RNF40: variants seen among roughly 807,000 people sequenced by gnomAD.
RNF40 encodes the protein E3 ubiquitin-protein ligase BRE1B.
Under a neutral mutation model 123.3 loss-of-function variants are expected in RNF40, and 39 were observed. The observed-to-expected ratio is 0.32, with a 90% CI of 0.24 to 0.41. RNF40 has a LOEUF of 0.41. Ranked by LOEUF, RNF40 falls within the 10% of genes least tolerant of loss-of-function variation. RNF40 has a pLI of 1.00. For synonymous variants in RNF40, 538 were observed against 526.0 expected, an observed-to-expected ratio of 1.02 and a Z score of -0.31; for missense variants, 1,003 against 1,319.9, an observed-to-expected ratio of 0.76 and a Z score of 3.72.
rs1277710222 is a variant in RNF40 at position 30,763,697 on chromosome 16, T to A, written c.442+138T>A. ...TGGATTTCATGTTTGGGCAGTAAAGTGCAGTGCACAAAAACACAGGCTTTA... is the reference window on the plus strand; with the variant it reads ...TGGATTTCATGTTTGGGCAGTAAAGAGCAGTGCACAAAAACACAGGCTTTA... On this transcript the variant is annotated intron_variant, in intron 4 of 19. Coordinates refer to ENST00000324685, the MANE Select transcript of RNF40 (RefSeq NM_014771.4). 3.3e-6 allele frequency: 3 copies of A among 899,544 alleles called. No individual in the cohort carries two copies. The African/African-American group carries it at 5.1e-5, about 15-fold the overall frequency. The allele number at this position is 899,544 out of a possible 1,614,324, so 55.7% of individuals were successfully genotyped here.
Position 30,762,505 on chromosome 16 carries a change from C to T in RNF40, c.-41C>T, listed in dbSNP as rs756340458. 1.3e-6 allele frequency: 2 copies of T among 1,544,096 alleles called. No individual in the cohort carries two copies. The highest frequency in any genetic ancestry group is 4.3e-5 in the Admixed American group (2 of 46,042). ...GGAAGTACCGCCTCCTCCCGTTTGACGCCCCTCAGGGGACCCTGCATCGCT... is the reference window on the plus strand; with the variant it reads ...GGAAGTACCGCCTCCTCCCGTTTGATGCCCCTCAGGGGACCCTGCATCGCT... On this transcript the variant is annotated 5_prime_UTR_variant, in exon 2 of 20. In the 5' UTR this introduces an upstream ATG that the reference lacks. Transcript: ENST00000324685.
In RNF40 at chr16:30,775,038, G is replaced by C. The variant is rs1596768166; in HGVS notation, c.*924G>C. The C allele has an allele frequency of 2.2e-6, 1 of 456,384 alleles. No homozygotes were observed. Among genetic ancestry groups the C allele is most frequent in the Non-Finnish European group, 4.4e-6 (1 of 226,798 alleles). The allele number at this position is 456,384 out of a possible 1,614,324, so 28.3% of individuals were successfully genotyped here. ...GACTGAGCCTGTGTCCTGTCTGCCT[G>C]CCCAGCCATGCTCCATCGGCTGTGA... On this transcript the variant is annotated 3_prime_UTR_variant, in exon 20 of 20. Transcript: ENST00000324685.
upstream of RNF40, chr16:30,761,823 G>A (rs575524680): frequency 2.2e-6 from 3 of 1,379,378 alleles, no homozygotes; most frequent in African/African-American, 4.3e-5. Context: ...CGCTCGGTCG[G>A]CGGCTACCAA....
At position 30,768,955 on chromosome 16, in the gene RNF40, C is replaced by T. The variant is rs1373710483; in HGVS notation, c.2215C>T (p.His739Tyr). ...RIRQAEEQIE[H>Y]LQRKLGATKQ... is the part of the protein sequence containing the mutation. Reference sequence around the variant, plus strand: ...TCGGCAGGCAGAGGAGCAGATAGAACACCTGCAGCGCAAGCTGGGTGCCAC... The same window carrying T: ...TCGGCAGGCAGAGGAGCAGATAGAATACCTGCAGCGCAAGCTGGGTGCCAC... Residue 739 changes from histidine (H) to tyrosine (Y), a missense_variant, in exon 15 of 20, where the codon CAC becomes TAC. Around this residue, in one of 11 missense-constraint regions of RNF40, gnomAD observed 295 missense variants for 331.7 expected, o/e 0.89. Transcript: ENST00000324685. The surrounding 1 kb of genome is among the most constrained non-coding windows in gnomAD (Gnocchi z 4.1). The T allele has an allele frequency of 1.2e-6, 2 of 1,613,946 alleles. No homozygotes were observed. The highest frequency in any genetic ancestry group is 1.7e-6 in the Non-Finnish European group (2 of 1,180,030).
chr16:30,775,143 T>C lies in RNF40; in HGVS notation c.*1029T>C, dbSNP rs371727012. ...ACAGCCTCTGTTCTAGAGATGCTTG[T>C]ATAGGCTGTTAATTGTGATGAATAA... On this transcript the variant is annotated 3_prime_UTR_variant, in exon 20 of 20. Transcript: ENST00000324685. 1.6e-4 allele frequency: 63 copies of C among 401,648 alleles called. No homozygotes were observed. In the East Asian group the frequency reaches 4.4e-3, roughly 28 times the overall value. The allele number at this position is 401,648 out of a possible 1,614,324, so 24.9% of individuals were successfully genotyped here.
chr16:30,774,772 T>C lies in RNF40; in HGVS notation c.*658T>C. ...TCATCTTGCAGGTGCTGAACCAACA[T>C]CATCAGTTTCTATTCTAATCAGGCC... On this transcript the variant is annotated 3_prime_UTR_variant, in exon 20 of 20. Coordinates refer to ENST00000324685, the MANE Select transcript of RNF40 (RefSeq NM_014771.4). The C allele has an allele frequency of 2.9e-6, 1 of 348,940 alleles. No homozygotes were observed. Among genetic ancestry groups the C allele is most frequent in the Non-Finnish European group, 5.7e-6 (1 of 175,600 alleles). 21.6% of individuals were successfully genotyped at this position (348,940 alleles called of 1,614,324 possible). A position where few individuals can be genotyped will look rare whatever the true frequency, so the allele number is the denominator to read the frequency against.
At position 30,763,415 on chromosome 16, in the gene RNF40, C is replaced by T. The variant is rs928988461; in HGVS notation, c.301-3C>T. 5.0e-6 allele frequency: 8 copies of T among 1,601,762 alleles called. No individual in the cohort carries two copies. The highest frequency in any genetic ancestry group is 4.0e-5 in the African/African-American group (3 of 74,308). ...TAACATTTTTGATGTTTTCTCCTTC[C>T]AGCTGGATGAAACTGTGGAAGCCCT... On this transcript the variant is annotated splice_polypyrimidine_tract_variant and splice_region_variant and intron_variant, in intron 3 of 19. Transcript: ENST00000324685.
chr16:30,768,595 C>G lies in RNF40; in HGVS notation c.1980-24C>G, dbSNP rs1376191373. The G allele has an allele frequency of 6.2e-7, 1 of 1,613,986 alleles. No homozygotes were observed. The highest frequency in any genetic ancestry group is 1.7e-5 in the Admixed American group (1 of 60,012). ...TGGCCTCCAGTCCCACTCACTAAGA[C>G]TTCCTCCTGTACCTTCTTGCCAGGA... On this transcript the variant is annotated intron_variant, in intron 13 of 19. Coordinates refer to ENST00000324685, the MANE Select transcript of RNF40 (RefSeq NM_014771.4). The surrounding 1 kb of genome is among the most constrained non-coding windows in gnomAD (Gnocchi z 4.1).
Position 30,774,344 on chromosome 16 carries a change from T to C in RNF40, c.*230T>C. On this transcript the variant is annotated 3_prime_UTR_variant, in exon 20 of 20. Coordinates refer to ENST00000324685, the MANE Select transcript of RNF40 (RefSeq NM_014771.4). ...AGCTGCAGCCTAGGGGGCACTGCCC[T>C]ACAGAAAAGGTCTGCCTGAGAGGCC... The C allele has an allele frequency of 2.0e-6, 1 of 509,104 alleles. No individual in the cohort carries two copies. Among genetic ancestry groups the C allele is most frequent in the Non-Finnish European group, 3.5e-6 (1 of 288,204 alleles). The allele number at this position is 509,104 out of a possible 1,614,324, so 31.5% of individuals were successfully genotyped here.
At chr16:30,763,778 A>C (rs1207003956) in intron 4 of RNF40, among the ~76,000 whole-genome samples, 1 of 152,240 alleles carries the variant, frequency 6.6e-6, no homozygotes, top group African/African-American at 2.4e-5. Context: ...CATTTGTTTC[A>C]AAACAGTATT....
At chr16:30,771,794 G>C in intron 17 of RNF40, 39 bp from the exon 18 acceptor site, 2 of 1,525,154 alleles carry the variant, frequency 1.3e-6, no homozygotes, top group Non-Finnish European at 1.8e-6. Flanking sequence ...GAGTCACCAG[G>C]CTCAGACCAG....
rs2054082210 is a variant in RNF40 at position 30,768,534 on chromosome 16, A to T, written c.1979+4A>T. On this transcript the variant is annotated splice_donor_region_variant and intron_variant, in intron 13 of 19. Coordinates refer to ENST00000324685, the MANE Select transcript of RNF40 (RefSeq NM_014771.4). This position sits in a 1 kb window ranked among gnomAD's most constrained non-coding sequence, Gnocchi z 4.1. ...AGGGTCTCCGAGCAGAGCTCAAGTGAGGCTCTGTTCCTGTCTCCTTCCTGA... is the reference window on the plus strand; with the variant it reads ...AGGGTCTCCGAGCAGAGCTCAAGTGTGGCTCTGTTCCTGTCTCCTTCCTGA... 1 of 1,611,976 alleles carries T rather than the reference A, an allele frequency of 6.2e-7. No homozygotes were observed.
chr16:30,763,438 C>T lies in RNF40; in HGVS notation c.321C>T (p.Ala107=), dbSNP rs369988056. 3 of 1,608,262 alleles carry T rather than the reference C, an allele frequency of 1.9e-6. No individual in the cohort carries two copies. The highest frequency in any genetic ancestry group is 2.2e-5 in the East Asian group (1 of 44,844). Residue 107 remains alanine, a synonymous_variant, in exon 4 of 20, where the codon GCC becomes GCT. Coordinates refer to ENST00000324685, the MANE Select transcript of RNF40 (RefSeq NM_014771.4). ...YWAQLDETVE[A]LLRCHESQGE... ...TCCAGCTGGATGAAACTGTGGAAGC[C>T]CTTCTCCGATGCCATGAGAGCCAGG...
chr16:30,763,890 C>T (rs1043174727), intron 4 of RNF40, among the ~76,000 whole-genome samples: 7 of 152,116 alleles, frequency 4.6e-5, no homozygotes, highest in East Asian at 1.9e-4. Context: ...AGTACTGGGG[C>T]TCCTGAAACG....
rs2054035221 is a variant in RNF40 at position 30,766,539 on chromosome 16, G to A, written c.1274G>A (p.Arg425Gln). The change falls in exon 10 of 20, where the codon CGA becomes CAA. Residue 425 changes from arginine (R) to glutamine (Q), a missense_variant. Arg to Gln is a conservative substitution (Grantham distance 43). Around this residue, in one of 11 missense-constraint regions of RNF40, gnomAD observed 274 missense variants for 356.9 expected, o/e 0.77. Coordinates refer to ENST00000324685, the MANE Select transcript of RNF40 (RefSeq NM_014771.4). This position sits in a 1 kb window ranked among gnomAD's most constrained non-coding sequence, Gnocchi z 5.4. ...LLLATKNSHL[R>Q]HIEHMESDEL... The stretch of plus-strand genomic sequence containing the variant: ...CTGGCCACAAAGAACTCCCACCTGC[G>A]ACACATCGAGCACATGGAGGTATGG... 2 of 1,611,166 alleles carry A rather than the reference G, an allele frequency of 1.2e-6. No individual in the cohort carries two copies. Among genetic ancestry groups the A allele is most frequent in the Admixed American group, 1.7e-5 (1 of 59,838 alleles).
In RNF40 at chr16:30,766,956, T is replaced by C. The variant is rs1228568142; in HGVS notation, c.1429+80T>C. 1 of 1,537,876 alleles carries C rather than the reference T, an allele frequency of 6.5e-7. No homozygotes were observed. Among genetic ancestry groups the C allele is most frequent in the Non-Finnish European group, 8.8e-7 (1 of 1,138,216 alleles). On this transcript the variant is annotated intron_variant, in intron 11 of 19. Transcript: ENST00000324685. This position sits in a 1 kb window ranked among gnomAD's most constrained non-coding sequence, Gnocchi z 5.4. ...GGTGTGGGGCTGCTGCTTATCCAGA[T>C]GCAAGAGGCTAAGGCCTTTTTTTTC...
Position 30,766,929 on chromosome 16 carries a change from C to G in RNF40, c.1429+53C>G. 1 of 1,594,392 alleles carries G rather than the reference C, an allele frequency of 6.3e-7. No individual in the cohort carries two copies. Among genetic ancestry groups the G allele is most frequent in the South Asian group, 1.1e-5 (1 of 89,028 alleles). On this transcript the variant is annotated intron_variant, in intron 11 of 19. Coordinates refer to ENST00000324685, the MANE Select transcript of RNF40 (RefSeq NM_014771.4). This position sits in a 1 kb window ranked among gnomAD's most constrained non-coding sequence, Gnocchi z 5.4. ...GGGCCTTATCTGGGAGTGCTGGGCC[C>G]TGGTGTGGGGCTGCTGCTTATCCAG... is the stretch of plus-strand genomic sequence containing the variant.
Position 30,763,568 on chromosome 16 carries a change from A to T in RNF40, c.442+9A>T, listed in dbSNP as rs1422631202. The T allele has an allele frequency of 1.2e-6, 2 of 1,613,776 alleles. No individual in the cohort carries two copies. Among genetic ancestry groups the T allele is most frequent in the Non-Finnish European group, 1.7e-6 (2 of 1,179,976 alleles). On this transcript the variant is annotated intron_variant, in intron 4 of 19. Transcript: ENST00000324685. Reference sequence around the variant, plus strand: ...GACATCAGAGCTGAGAGGTAGGACCAGAGTGCTGGGATCTGGGGAGCTTAA... The same window carrying T: ...GACATCAGAGCTGAGAGGTAGGACCTGAGTGCTGGGATCTGGGGAGCTTAA...
rs534861776 is a variant in RNF40 at position 30,773,976 on chromosome 16, G to A, written c.2868G>A (p.Lys956=). 2.4e-5 allele frequency: 38 copies of A among 1,613,776 alleles called. No homozygotes were observed. In the South Asian group the frequency reaches 3.5e-4, roughly 15 times the overall value. Residue 956 remains lysine, a synonymous_variant, in exon 20 of 20, where the codon AAG becomes AAA. Transcript: ENST00000324685. ...GCCCCTGCTGTAACACCCGCAAGAA[G>A]GATGCAGTCCTTACCAAGTGCTTCC... ...LTCPCCNTRK[K]DAVLTKCFHV... is the part of the protein sequence containing the mutation.
Sources: gnomAD v4.1 joint callset for allele counts (sites outside exome capture counted in the v4.1 genomes callset) on GRCh38, gnomAD v4.1.1 for gene constraint, gnomAD v4.1.1 regional missense constraint, Gnocchi (gnomAD v3.1) non-coding constraint, MANE v1.5 for transcripts, NCBI Gene and HGNC (gene_info 2026-07-23, HGNC 2026-07-21) for gene names.